The following GLI3 variants were observed in gnomAD, a reference collection of about 807,000 sequenced individuals.
GLI3 encodes the protein transcription activator GLI3.
GLI3 carries 20 observed loss-of-function variants against 100.8 expected under a neutral mutation model. The observed-to-expected ratio is 0.20, with a 90% confidence interval of 0.14 to 0.29. The LOEUF (loss-of-function observed/expected upper bound fraction) is 0.29, where lower values mean the gene tolerates loss of function less well. GLI3 is among the 10% of genes least tolerant of loss of function. The pLI, the probability that GLI3 is intolerant of heterozygous loss-of-function variation, is 1.00. For synonymous variants in GLI3, 938 were observed against 860.5 expected (o/e 1.09, Z -1.58); for missense variants, 2,040 against 2,128.5 (o/e 0.96, Z 0.82).
intron 2 of GLI3, among the ~76,000 whole-genome samples, chr7:42,211,640 C>T (rs531017133): frequency 6.6e-6 from 1 of 152,266 alleles, no homozygotes; most frequent in African/African-American, 2.4e-5. Context: ...GTAAGGGTCT[C>T]AGATTATTTT....
In GLI3 at chr7:41,978,731, A is replaced by G. The variant is rs950273127; in HGVS notation, c.1515T>C (p.His505=). 1 of 1,614,028 alleles carries G rather than the reference A, an allele frequency of 6.2e-7. No homozygotes were observed. Among genetic ancestry groups the G allele is most frequent in the Non-Finnish European group, 8.5e-7 (1 of 1,179,860 alleles). ...CGAACTCCTTCTTCTCTCCATGAAT[A>G]TGGTCGTTATTTATATGCTGGGGTT... ...EQLVHHINND[H]IHGEKKEFVC... The change falls in exon 11 of 15, where the codon CAT becomes CAC. Residue 505 remains histidine, a synonymous_variant. Coordinates refer to ENST00000395925, the MANE Select transcript of GLI3 (RefSeq NM_000168.6).
At chr7:42,069,778 C>T (rs1784749486) in intron 4 of GLI3, among the ~76,000 whole-genome samples, 1 of 152,202 alleles carries the variant, frequency 6.6e-6, no homozygotes, top group Non-Finnish European at 1.5e-5. Context: ...CCTTGTATTG[C>T]TAAAGCTGCC....
intron 3 of GLI3, among the ~76,000 whole-genome samples, chr7:42,109,285 G>A (rs941689350): frequency 6.6e-6 from 1 of 152,182 alleles, no homozygotes; most frequent in African/African-American, 2.4e-5. Context: ...TCACTACAGG[G>A]CAGCCAAGAG....
At chr7:41,992,404 AG>A (rs2128718574) in intron 10 of GLI3, among the ~76,000 whole-genome samples, 1 of 152,332 alleles carries the variant, frequency 6.6e-6, no homozygotes, top group East Asian at 1.9e-4. Context: ...AGATGCCTCC[AG>A]GACATCTCTG....
Position 42,076,837 on chromosome 7 carries a change from C to T in GLI3, c.388G>A (p.Ala130Thr), listed in dbSNP as rs965164354. The T allele has an allele frequency of 6.2e-7, 1 of 1,611,554 alleles. No individual in the cohort carries two copies. The highest frequency in any genetic ancestry group is 1.7e-5 in the Admixed American group (1 of 60,000). ...TCAATTGGTACAGGAGGATGGAAGG[C>T]AGGGAAAAGATGAGGAGGGTCTGAA... Reference protein sequence around the residue: ...PHYHPPHLFPAFHPPVPIDAR... With the variant: ...PHYHPPHLFPTFHPPVPIDAR... The change falls in exon 4 of 15, where the codon GCC (alanine) becomes ACC (threonine). Residue 130 changes from alanine to threonine, a missense_variant. This residue lies in a region of GLI3 where 603 missense variants were observed against 690.9 expected (regional missense o/e 0.87). Transcript: ENST00000395925.
chr7:41,970,988 T>C (rs1226666315), intron 13 of GLI3, among the ~76,000 whole-genome samples: 1 of 152,214 alleles, frequency 6.6e-6, no homozygotes, highest in Non-Finnish European at 1.5e-5. Context: ...CTTATTAAGA[T>C]ACTTTTTTAA....
intron 3 of GLI3, among the ~76,000 whole-genome samples, chr7:42,131,593 T>C (rs1323321678): frequency 1.3e-5 from 2 of 152,260 alleles, no homozygotes; most frequent in South Asian, 2.1e-4. Flanking sequence ...TAAAAATCAA[T>C]CTATGGACAA....
chr7:41,988,480 G>GGC lies in GLI3; in HGVS notation c.1498-9733_1498-9732insGC, dbSNP rs1380502605. Among the ~76,000 whole-genome samples, 297 of 124,464 alleles carry GGC rather than the reference G, an allele frequency of 2.4e-3. 5 individuals carry two copies. Among genetic ancestry groups the GGC allele is most frequent in the Admixed American group, 5.6e-3 (65 of 11,686 alleles). 81.7% of individuals were successfully genotyped at this position (124,464 alleles called of 152,430 possible). ...CTCCATCTCAAAAAAAAAAAGGGGGGGGGGGTGGGGCCTTAAGGAGGTGAT... is the reference window on the plus strand; with the variant it reads ...CTCCATCTCAAAAAAAAAAAGGGGGGGCGGGGGTGGGGCCTTAAGGAGGTGAT... On this transcript the variant is annotated intron_variant, in intron 10 of 14. Transcript: ENST00000395925.
Position 41,963,675 on chromosome 7 carries a change from T to C in GLI3, c.*655A>G, listed in dbSNP as rs77197280. 0.035 allele frequency: 5,317 copies of C among 152,564 alleles called. 106 individuals carry two copies. Among genetic ancestry groups the C allele is most frequent in the Non-Finnish European group, 0.053 (3,609 of 68,262 alleles). The allele number at this position is 152,564 out of a possible 1,614,324, so 9.5% of individuals were successfully genotyped here. A position where few individuals can be genotyped will look rare whatever the true frequency, so the allele number is the denominator to read the frequency against. ...AAACTGTGAGCGCCCATTTCATTTATAAGAGCCCCACGTTCCCATTTCTGT... is the reference window on the plus strand; with the variant it reads ...AAACTGTGAGCGCCCATTTCATTTACAAGAGCCCCACGTTCCCATTTCTGT... On this transcript the variant is annotated 3_prime_UTR_variant, in exon 15 of 15. Transcript: ENST00000395925.
At chr7:42,110,580 T>C (rs908086332) in intron 3 of GLI3, among the ~76,000 whole-genome samples, 6 of 152,010 alleles carry the variant, frequency 3.9e-5, no homozygotes, top group African/African-American at 1.5e-4. Flanking sequence ...AGAACAGAGG[T>C]CAAAAACACA....
rs139237783 is a variant in GLI3 at position 41,986,926 on chromosome 7, G to A, written c.1498-8178C>T. Among the ~76,000 whole-genome samples the A allele has an allele frequency of 3.7e-4, 55 of 147,586 alleles. No homozygotes were observed. The East Asian group carries it at 0.01, about 27-fold the overall frequency. ...ATGAAGTCTGGTACCAGGAAATTGT[G>A]GGAGAATAGGAAGAAGGTTGAAGGA... On this transcript the variant is annotated intron_variant, in intron 10 of 14. Transcript: ENST00000395925.
chr7:42,101,494 T>G (rs767717809), intron 3 of GLI3, among the ~76,000 whole-genome samples: 3 of 151,822 alleles, frequency 2.0e-5, no homozygotes. Flanking sequence ...TGGTTCCAGC[T>G]ACTCATGAGG....
At chr7:42,226,208 G>C (rs1018037891) in intron 1 of GLI3, among the ~76,000 whole-genome samples, 1 of 152,174 alleles carries the variant, frequency 6.6e-6, no homozygotes, top group Non-Finnish European at 1.5e-5. Context: ...TATTTGAGTA[G>C]AGTCTACAAC....
At chr7:42,229,506 T>G (rs1790097678) in intron 1 of GLI3, among the ~76,000 whole-genome samples, 1 of 152,226 alleles carries the variant, frequency 6.6e-6, no homozygotes, top group African/African-American at 2.4e-5. Context: ...TACACCTGCC[T>G]GTATTTTCAT....
At chr7:41,989,303 C>T (rs1349608298) in intron 10 of GLI3, among the ~76,000 whole-genome samples, 1 of 152,144 alleles carries the variant, frequency 6.6e-6, no homozygotes, top group Non-Finnish European at 1.5e-5. Flanking sequence ...AAAGAGGCAC[C>T]TTCTATTTCA....
intron 6 of GLI3, among the ~76,000 whole-genome samples, chr7:42,044,171 T>C (rs1784198546): frequency 6.6e-6 from 1 of 152,198 alleles, no homozygotes; most frequent in African/African-American, 2.4e-5. Context: ...AGAGGACATA[T>C]GCTCGCCCTC....
intron 1 of GLI3, among the ~76,000 whole-genome samples, chr7:42,248,947 G>A (rs1205419172): frequency 6.6e-6 from 1 of 151,788 alleles, no homozygotes; most frequent in Non-Finnish European, 1.5e-5. Context: ...TCACCATGTT[G>A]GCTAGGCTGG....
chr7:42,094,733 C>CA (rs57330922), intron 3 of GLI3, among the ~76,000 whole-genome samples: 41,189 of 144,834 alleles, frequency 0.28, 6,207 homozygotes, highest in African/African-American at 0.39. Flanking sequence ...GACTCTGTGT[C>CA]AAAAAAAAAA....
At chr7:42,045,589 CTT>C (rs1329803052) in intron 5 of GLI3, 59 bp from the exon 6 acceptor site, 1 of 1,521,644 alleles carries the variant, frequency 6.6e-7, no homozygotes, top group Non-Finnish European at 9.1e-7. Context: ...AGAAGTTTCT[CTT>C]GAGGCATCTC....
Sources: allele counts gnomAD v4.1 joint callset (sites outside exome capture counted in the v4.1 genomes callset), GRCh38; gene constraint gnomAD v4.1.1; regional missense constraint gnomAD v4.1.1; transcripts MANE v1.5; gene names NCBI Gene and HGNC (gene_info 2026-07-23, HGNC 2026-07-21).